FOXO4: variants seen among roughly 807,000 people sequenced by gnomAD.
FOXO4 encodes the protein forkhead box protein O4.
A neutral mutation model predicts 20.8 loss-of-function variants in FOXO4; 3 were observed. That is an observed-to-expected ratio of 0.14 (90% CI 0.07 to 0.37). FOXO4 has a LOEUF of 0.37. Ranked by LOEUF, FOXO4 falls within the 10% of genes least tolerant of loss-of-function variation. The pLI is 1.00. For synonymous variants in FOXO4, 158 were observed against 180.0 expected (o/e 0.88, Z 0.98); for missense variants, 309 against 431.9 (o/e 0.72, Z 2.52).
In FOXO4 at chrX:71,096,424, G is replaced by A; in HGVS notation, c.-105G>A. ...GTTCGCGACTTTCTGAAGACTGGCAGGAATGTGCCTCCTGGCCCTCGATGC... is the reference window on the plus strand; with the variant it reads ...GTTCGCGACTTTCTGAAGACTGGCAAGAATGTGCCTCCTGGCCCTCGATGC... On this transcript the variant is annotated 5_prime_UTR_variant, in exon 1 of 3. Coordinates refer to ENST00000374259, the MANE Select transcript of FOXO4 (RefSeq NM_005938.4). The A allele has an allele frequency of 1.4e-6, 1 of 722,305 alleles. No homozygotes were observed. The highest frequency in any genetic ancestry group is 2.1e-6 in the Non-Finnish European group (1 of 483,978). The allele number at this position is 722,305 out of a possible 1,213,427, so 59.5% of individuals were successfully genotyped here.
At chrX:71,101,908 G>T in intron 2 of FOXO4, 168 bp downstream of exon 2, 1 of 680,409 alleles carries the variant, frequency 1.5e-6, no homozygotes. Context: ...TTCCGGATGG[G>T]ACCTCCAGGC....
rs1484413750 is a variant in FOXO4 at position 71,101,628 on chromosome X, G to A, written c.1398G>A (p.Met466Ile). The change falls in exon 2 of 3, where the codon ATG becomes ATA. Residue 466 changes from methionine (M) to isoleucine (I), a missense_variant. This residue lies in a region of FOXO4 where 223 missense variants were observed against 302.7 expected (regional missense o/e 0.74). Coordinates refer to ENST00000374259, the MANE Select transcript of FOXO4 (RefSeq NM_005938.4). ...PPTEAASQDRMPQDLDLDMYM... is the reference protein window; with the variant it reads ...PPTEAASQDRIPQDLDLDMYM... ...CTGAAGCTGCAAGCCAAGACAGAAT[G>A]CCTCAGGATCTAGATCTTGATATGT... 8.3e-7 allele frequency: 1 copy of A among 1,208,962 alleles called. No individual in the cohort carries two copies. Among genetic ancestry groups the A allele is most frequent in the East Asian group, 3.0e-5 (1 of 33,765 alleles).
chrX:71,097,153 T>A (rs1488994822), intron 1 of FOXO4, among the ~76,000 whole-genome samples, 172 bp downstream of exon 1: 1 of 105,109 alleles, frequency 9.5e-6, no homozygotes, highest in African/African-American at 3.5e-5. Flanking sequence ...TAGTACATAG[T>A]ATATGCCACA....
At position 71,101,153 on chromosome X, in the gene FOXO4, A is replaced by G. The variant is rs759184396; in HGVS notation, c.923A>G (p.Asp308Gly). Residue 308 changes from aspartate (D) to glycine (G), a missense_variant, in exon 2 of 3, where the codon GAT becomes GGT. By Grantham distance (94) the Asp-to-Gly change is moderately conservative. Around this residue, in one of 3 missense-constraint regions of FOXO4, gnomAD observed 223 missense variants for 302.7 expected, o/e 0.74. Coordinates refer to ENST00000374259, the MANE Select transcript of FOXO4 (RefSeq NM_005938.4). Reference sequence around the variant, plus strand: ...CTCAATGAAGGTCTAGAGCTGTTAGATGGGCTCAATCTCACCTCTTCCCAT... The same window carrying G: ...CTCAATGAAGGTCTAGAGCTGTTAGGTGGGCTCAATCTCACCTCTTCCCAT... ...PTLNEGLELL[D>G]GLNLTSSHSL... 6.6e-6 allele frequency: 8 copies of G among 1,208,646 alleles called. No individual in the cohort carries two copies. The highest frequency in any genetic ancestry group is 8.9e-6 in the Non-Finnish European group (8 of 894,714).
chrX:71,096,508 C>G lies in FOXO4; in HGVS notation c.-21C>G, dbSNP rs866034359. 5 of 1,182,011 alleles carry G rather than the reference C, an allele frequency of 4.2e-6. No individual in the cohort carries two copies. The highest frequency in any genetic ancestry group is 4.6e-4 in the Middle Eastern group (2 of 4,305). ...TGGCAGGCTTCACTGAACGCTGAGCCGGGGAGGTCCAACTCCACGTATGGA... is the reference window on the plus strand; with the variant it reads ...TGGCAGGCTTCACTGAACGCTGAGCGGGGGAGGTCCAACTCCACGTATGGA... On this transcript the variant is annotated 5_prime_UTR_variant, in exon 1 of 3. Transcript: ENST00000374259.
At position 71,101,331 on chromosome X, in the gene FOXO4, G is replaced by A; in HGVS notation, c.1101G>A (p.Glu367=). 2 of 1,211,596 alleles carry A rather than the reference G, an allele frequency of 1.7e-6. No homozygotes were observed. The highest frequency in any genetic ancestry group is 3.0e-5 in the East Asian group (1 of 33,832). ...EGCFSSSQAL[E]ALLTSDTPPP... ...GCTTCTCCAGCTCCCAGGCTCTGGA[G>A]GCCCTGCTCACCTCTGATACGCCAC... The change falls in exon 2 of 3, where the codon GAG becomes GAA. Residue 367 remains glutamate (E), a synonymous_variant. Coordinates refer to ENST00000374259, the MANE Select transcript of FOXO4 (RefSeq NM_005938.4).
intron 1 of FOXO4, 35 bp downstream of exon 1, chrX:71,097,016 A>G (rs1214695253): frequency 1.8e-6 from 2 of 1,123,015 alleles, no homozygotes; most frequent in Non-Finnish European, 2.4e-6. Context: ...TCCCAACACC[A>G]TCTACCCCCT....
At position 71,096,588 on chromosome X, in the gene FOXO4, C is replaced by A; in HGVS notation, c.60C>A (p.Pro20=). ...CTGCCGCGATCATAGACCTAGATCCCGACTTCGAACCCCAGAGCCGTCCCC... is the reference window on the plus strand; with the variant it reads ...CTGCCGCGATCATAGACCTAGATCCAGACTTCGAACCCCAGAGCCGTCCCC... ...TEAAAIIDLD[P]DFEPQSRPRS... The change falls in exon 1 of 3, where the codon CCC becomes CCA. Residue 20 remains proline (P), a synonymous_variant. Transcript: ENST00000374259. 1 of 1,208,781 alleles carries A rather than the reference C, an allele frequency of 8.3e-7. No individual in the cohort carries two copies. Among genetic ancestry groups the A allele is most frequent in the East Asian group, 3.0e-5 (1 of 33,685 alleles).
Position 71,102,791 on chromosome X carries a change from G to A in FOXO4, c.*707G>A, listed in dbSNP as rs1436688581. On this transcript the variant is annotated 3_prime_UTR_variant, in exon 3 of 3. Transcript: ENST00000374259. ...CAAACACTACAGACAATAAATATTA[G>A]GAGACACAGGGAAGTGGGGAGAGGT... The A allele has an allele frequency of 5.8e-6, 1 of 171,594 alleles. No homozygotes were observed. The highest frequency in any genetic ancestry group is 1.1e-5 in the Non-Finnish European group (1 of 89,903). 14.1% of individuals were successfully genotyped at this position (171,594 alleles called of 1,213,427 possible).
At chrX:71,098,350 A>G (rs2092222863) in intron 1 of FOXO4, among the ~76,000 whole-genome samples, 1 of 112,299 alleles carries the variant, frequency 8.9e-6, no homozygotes, top group African/African-American at 3.2e-5. Context: ...ACTATAAATC[A>G]TATTCTCTAA....
At chrX:71,101,902 G>T in intron 2 of FOXO4, 162 bp downstream of exon 2, 1 of 671,327 alleles carries the variant, frequency 1.5e-6, no homozygotes, top group Non-Finnish European at 2.4e-6. Context: ...CATAGTTTCC[G>T]GATGGGACCT....
chrX:71,099,449 A>G (rs1275062462), intron 1 of FOXO4: 1 of 111,615 alleles, frequency 9.0e-6, no homozygotes, highest in African/African-American at 3.3e-5. Flanking sequence ...CAACCCACCA[A>G]TCAGGTACAA....
chrX:71,097,068 T>G, intron 1 of FOXO4, 87 bp downstream of exon 1: 1 of 758,310 alleles, frequency 1.3e-6, no homozygotes, highest in Non-Finnish European at 1.9e-6. Context: ...GGGCCCCTTT[T>G]ACTACCTCCC....
chrX:71,099,481 C>T (rs1438176769), intron 1 of FOXO4: 1 of 111,741 alleles, frequency 8.9e-6, no homozygotes, highest in African/African-American at 3.3e-5. Flanking sequence ...GTACTGTGAG[C>T]TTGAGTAGGT....
rs867349846 is a variant in FOXO4 at position 71,102,614 on chromosome X, C to T, written c.*530C>T. 4 of 175,873 alleles carry T rather than the reference C, an allele frequency of 2.3e-5. No homozygotes were observed. The highest frequency in any genetic ancestry group is 2.9e-4 in the South Asian group (1 of 3,395). The allele number at this position is 175,873 out of a possible 1,213,427, so 14.5% of individuals were successfully genotyped here. A position where few individuals can be genotyped will look rare whatever the true frequency, so the allele number is the denominator to read the frequency against. ...TGGAGTGGCTCGCCAGGCCAAATCA[C>T]CCTTAGAAGGCTGCAGATAACAGAA... On this transcript the variant is annotated 3_prime_UTR_variant, in exon 3 of 3. Transcript: ENST00000374259.
intron 1 of FOXO4, among the ~76,000 whole-genome samples, chrX:71,098,844 A>G (rs2092224046): frequency 1.8e-5 from 2 of 111,048 alleles, no homozygotes; most frequent in African/African-American, 6.6e-5. Flanking sequence ...GACAAGTGCC[A>G]CTCCTTGAAG....
chrX:71,098,024 C>A (rs2092222306), intron 1 of FOXO4, among the ~76,000 whole-genome samples: 1 of 110,985 alleles, frequency 9.0e-6, no homozygotes, highest in African/African-American at 3.3e-5. Flanking sequence ...GGGTAGACTG[C>A]CACGCCACAG....
chrX:71,101,634 G>A lies in FOXO4; in HGVS notation c.1404G>A (p.Gln468=), dbSNP rs1247265959. Residue 468 remains glutamine, a synonymous_variant, in exon 2 of 3, where the codon CAG becomes CAA. Transcript: ENST00000374259. ...TEAASQDRMP[Q]DLDLDMYMEN... ...CTGCAAGCCAAGACAGAATGCCTCA[G>A]GATCTAGATCTTGATATGTATATGG... The A allele has an allele frequency of 2.5e-6, 3 of 1,206,913 alleles. No individual in the cohort carries two copies. The highest frequency in any genetic ancestry group is 2.2e-6 in the Non-Finnish European group (2 of 892,135).
At chrX:71,097,055 C>T in intron 1 of FOXO4, 74 bp downstream of exon 1, 1 of 917,357 alleles carries the variant, frequency 1.1e-6, no homozygotes, top group Middle Eastern at 3.0e-4. Context: ...TACTTCTACT[C>T]TGGGGCCCCT....
Sources: allele counts gnomAD v4.1 joint callset (sites outside exome capture counted in the v4.1 genomes callset), GRCh38; gene constraint gnomAD v4.1.1; regional missense constraint gnomAD v4.1.1; transcripts MANE v1.5; gene names NCBI Gene and HGNC (gene_info 2026-07-23, HGNC 2026-07-21).